The following ZBTB20 variants were observed in gnomAD, a reference collection of about 807,000 sequenced individuals.
ZBTB20 encodes the protein zinc finger and BTB domain-containing protein 20.
ZBTB20 carries 9 observed loss-of-function variants against 56.9 expected under a neutral mutation model. The observed-to-expected ratio is 0.16, with a 90% CI of 0.10 to 0.28. The LOEUF (loss-of-function observed/expected upper bound fraction) is 0.28, where lower values mean the gene tolerates loss of function less well. Among genes scored for constraint, ZBTB20 ranks in the 10% least tolerant of loss-of-function variants. ZBTB20 has a pLI of 1.00. For synonymous variants in ZBTB20, 417 were observed against 420.7 expected, an observed-to-expected ratio of 0.99 and a Z score of 0.11; for missense variants, 655 against 1,003.0, an observed-to-expected ratio of 0.65 and a Z score of 4.69.
chr3:114,597,718 A>G (rs1167087892), intron 6 of ZBTB20, among the ~76,000 whole-genome samples: 1 of 152,142 alleles, frequency 6.6e-6, no homozygotes, highest in Non-Finnish European at 1.5e-5. Context: ...CATCACAAAA[A>G]GCCTTGGTGT....
chr3:115,030,542 TA>T (rs1037314276), intron 2 of ZBTB20, among the ~76,000 whole-genome samples: 1 of 151,192 alleles, frequency 6.6e-6, no homozygotes, highest in Non-Finnish European at 1.5e-5. Flanking sequence ...GAATTATTGC[TA>T]AAATGTCTTC....
intron 2 of ZBTB20, among the ~76,000 whole-genome samples, chr3:115,053,034 T>C: frequency 6.6e-6 from 1 of 152,204 alleles, no homozygotes; most frequent in Admixed American, 6.5e-5. Context: ...CATCACTGCC[T>C]ATAACTCTCT....
chr3:115,132,244 G>A (rs943330772), intron 1 of ZBTB20, among the ~76,000 whole-genome samples: 3 of 151,820 alleles, frequency 2.0e-5, no homozygotes, highest in Non-Finnish European at 2.9e-5. Flanking sequence ...TACCTTTCTT[G>A]AAAAACTTAT....
rs888086285 is a variant in ZBTB20 at position 114,526,939 on chromosome 3, C to A, written c.-294-26548G>T. On this transcript the variant is annotated intron_variant, in intron 6 of 11. Coordinates refer to ENST00000675478, the MANE Select transcript of ZBTB20 (RefSeq NM_001348800.3). Reference sequence around the variant, plus strand: ...CTCCCCCTTCTCCCCTCCTCCAGATCTTTTTTCAATAATGGAAGAAGACTT... The same window carrying A: ...CTCCCCCTTCTCCCCTCCTCCAGATATTTTTTCAATAATGGAAGAAGACTT... Among the ~76,000 whole-genome samples, 16 of 152,208 alleles carry A rather than the reference C, an allele frequency of 1.1e-4. No individual in the cohort carries two copies. In the East Asian group the frequency reaches 2.7e-3, roughly 26 times the overall value.
intron 7 of ZBTB20, among the ~76,000 whole-genome samples, chr3:114,444,973 A>G (rs1194692700): frequency 6.6e-6 from 1 of 152,268 alleles, no homozygotes; most frequent in East Asian, 1.9e-4. Flanking sequence ...CATTCTGAAG[A>G]GTTGGTTAAC....
At chr3:114,559,899 G>T (rs2051784397) in intron 6 of ZBTB20, among the ~76,000 whole-genome samples, 1 of 152,122 alleles carries the variant, frequency 6.6e-6, no homozygotes, top group Non-Finnish European at 1.5e-5. Flanking sequence ...CTTTTAGTTT[G>T]TGTTTGTAGC....
In ZBTB20 at chr3:114,426,579, G is replaced by T. The variant is rs147569442; in HGVS notation, c.-254-37474C>A. ...TTAATCCACACAGCAAGTCGCTTTTGTCTTCTGGCTTCCTTCCGCTGAGAA... is the reference window on the plus strand; with the variant it reads ...TTAATCCACACAGCAAGTCGCTTTTTTCTTCTGGCTTCCTTCCGCTGAGAA... On this transcript the variant is annotated intron_variant, in intron 7 of 11. Transcript: ENST00000675478. Among the ~76,000 whole-genome samples, 60 of 151,890 alleles carry T rather than the reference G, an allele frequency of 4.0e-4. 1 individual carries two copies. The highest frequency in any genetic ancestry group is 1.4e-3 in the African/African-American group (57 of 41,460).
rs2081656957 is a variant in ZBTB20, at chr3:114,360,105, T to C, written c.200-8227A>G. On this transcript the variant is annotated intron_variant, in intron 10 of 11. Coordinates refer to ENST00000675478, the MANE Select transcript of ZBTB20 (RefSeq NM_001348800.3). ...GAGAAAACAGAACTCAATAGTGTCA[T>C]TAAAAAAAAAAAAAGCTTTCTGGCA... is the stretch of plus-strand genomic sequence containing the variant. Among the ~76,000 whole-genome samples, 6 of 149,978 alleles carry C rather than the reference T, an allele frequency of 4.0e-5. No individual in the cohort carries two copies. The South Asian group carries it at 1.0e-3, about 26-fold the overall frequency.
chr3:114,534,262 C>T (rs2048197864), intron 6 of ZBTB20, among the ~76,000 whole-genome samples: 1 of 151,940 alleles, frequency 6.6e-6, no homozygotes, highest in South Asian at 2.1e-4. Context: ...CAAAGACACA[C>T]ATAGGCTCAA....
intron 6 of ZBTB20, among the ~76,000 whole-genome samples, chr3:114,598,712 T>C (rs1190517084): frequency 6.6e-6 from 1 of 152,062 alleles, no homozygotes; most frequent in African/African-American, 2.4e-5. Flanking sequence ...TTTCTCTTCA[T>C]TTTTTTATAT....
At chr3:114,580,250 A>C (rs761734030) in intron 6 of ZBTB20, among the ~76,000 whole-genome samples, 2 of 151,674 alleles carry the variant, frequency 1.3e-5, no homozygotes, top group African/African-American at 2.4e-5. Flanking sequence ...TAGTAGTGGA[A>C]AATTTTATCA....
At chr3:114,782,274 TC>T (rs2070161087) in intron 5 of ZBTB20, among the ~76,000 whole-genome samples, 1 of 152,214 alleles carries the variant, frequency 6.6e-6, no homozygotes, top group Non-Finnish European at 1.5e-5. Flanking sequence ...TCACTTTTGC[TC>T]AGTAGTTGCT....
intron 4 of ZBTB20, among the ~76,000 whole-genome samples, chr3:114,807,598 T>C (rs1454225592): frequency 1.3e-5 from 2 of 151,962 alleles, no homozygotes; most frequent in East Asian, 3.9e-4. Flanking sequence ...TAGGAGTGTA[T>C]CGGTCAGGTT....
chr3:115,020,243 A>G (rs1047542652), intron 2 of ZBTB20, among the ~76,000 whole-genome samples: 3 of 151,206 alleles, frequency 2.0e-5, no homozygotes, highest in African/African-American at 7.3e-5. Context: ...AAGACAAATT[A>G]TATTTTAAAA....
intron 1 of ZBTB20, among the ~76,000 whole-genome samples, chr3:115,073,050 T>A (rs1283595299): frequency 6.6e-6 from 1 of 152,208 alleles, no homozygotes; most frequent in Non-Finnish European, 1.5e-5. Context: ...ATTATCAGTG[T>A]CATTTTCTAT....
At chr3:114,703,034 T>C (rs1022613634) in intron 5 of ZBTB20, among the ~76,000 whole-genome samples, 1 of 152,030 alleles carries the variant, frequency 6.6e-6, no homozygotes, top group African/African-American at 2.4e-5. Flanking sequence ...GTGTGTGTGA[T>C]CCTCAAGACC....
chr3:114,471,430 C>A (rs1376589455), intron 7 of ZBTB20, among the ~76,000 whole-genome samples: 1 of 152,048 alleles, frequency 6.6e-6, no homozygotes, highest in African/African-American at 2.4e-5. Context: ...GAGGTAAATT[C>A]AAAGATCAAT....
chr3:114,356,167 G>A (rs1196025332), intron 10 of ZBTB20: 1 of 152,164 alleles, frequency 6.6e-6, no homozygotes, highest in East Asian at 1.9e-4. Flanking sequence ...CAACACAGAC[G>A]GGGCTAAAGC....
At chr3:114,380,648 A>G in intron 9 of ZBTB20, 129 bp downstream of exon 9, 2 of 1,348,656 alleles carry the variant, frequency 1.5e-6, no homozygotes, top group East Asian at 2.6e-5. Context: ...TGTTGGCTGC[A>G]TAAAAAGACC....
Sources: gnomAD v4.1 joint callset for allele counts (sites outside exome capture counted in the v4.1 genomes callset) on GRCh38, gnomAD v4.1.1 for gene constraint, MANE v1.5 for transcripts, NCBI Gene and HGNC (gene_info 2026-07-23, HGNC 2026-07-21) for gene names.